The following AOX1 variants were observed in gnomAD, a reference collection of about 807,000 sequenced individuals.
The protein encoded by AOX1 is aldehyde oxidase.
AOX1 carries 153 observed loss-of-function variants against 169.5 expected under a neutral mutation model. That is an observed-to-expected ratio of 0.90 (90% CI 0.79 to 1.03). The LOEUF is 1.03. Ranked by LOEUF, AOX1 falls within the 50% of genes least tolerant of loss-of-function variation. The pLI is 0.00. For synonymous variants in AOX1, 562 were observed against 581.9 expected (o/e 0.97, Z 0.49); for missense variants, 1,656 against 1,663.9 (o/e 1.00, Z 0.08).
In AOX1 at chr2:200,669,700, G is replaced by A. The variant is rs199886883; in HGVS notation, c.3924G>A (p.Pro1308=). ...TGACCCTTAATAGTCCACTGACCCC[G>A]GAGAAGATTAGGATGGCCTGTGAAG... ...GPLTLNSPLT[P]EKIRMACEDK... Residue 1308 remains proline (P), a synonymous_variant, in exon 34 of 35, where the codon CCG becomes CCA. Transcript: ENST00000374700. The A allele has an allele frequency of 5.6e-6, 9 of 1,613,956 alleles. No individual in the cohort carries two copies. Among genetic ancestry groups the A allele is most frequent in the South Asian group, 2.2e-5 (2 of 91,060 alleles).
At position 200,662,929 on chromosome 2, in the gene AOX1, G is replaced by C. The variant is rs1435174026; in HGVS notation, c.3503G>C (p.Cys1168Ser). 5 of 1,614,108 alleles carry C rather than the reference G, an allele frequency of 3.1e-6. No individual in the cohort carries two copies. Among genetic ancestry groups the C allele is most frequent in the Non-Finnish European group, 4.2e-6 (5 of 1,179,960 alleles). Residue 1168 changes from cysteine (C) to serine (S), a missense_variant, in exon 31 of 35, where the codon TGT becomes TCT. Coordinates refer to ENST00000374700, the MANE Select transcript of AOX1 (RefSeq NM_001159.4). The part of the protein sequence containing the change: ...PFEYFVYGAA[C>S]SEVEIDCLTG... The stretch of plus-strand genomic sequence containing the variant: ...GAATACTTTGTTTATGGAGCTGCCT[G>C]TTCCGAGGTTGAAATAGACTGCCTG...
At chr2:200,641,427 T>C (rs2035349936) in intron 24 of AOX1, among the ~76,000 whole-genome samples, 2 of 152,160 alleles carry the variant, frequency 1.3e-5, no homozygotes, top group Admixed American at 6.5e-5. Context: ...GATGCACACA[T>C]GAGACCAAGC....
At chr2:200,662,741 C>T in intron 30 of AOX1, 114 bp from the exon 31 acceptor site, 1 of 751,216 alleles carries the variant, frequency 1.3e-6, no homozygotes, top group South Asian at 1.6e-5. Context: ...CTGGCACATA[C>T]ATTAGGTACA....
intron 30 of AOX1, among the ~76,000 whole-genome samples, 198 bp downstream of exon 30, chr2:200,661,829 T>C (rs73055168): frequency 0.013 from 2,039 of 152,314 alleles, 47 homozygotes; most frequent in African/African-American, 0.038. Context: ...GAAAGACTTC[T>C]GTTAGGAAAA....
chr2:200,665,523 C>T (rs2035909451), intron 31 of AOX1, among the ~76,000 whole-genome samples: 1 of 152,208 alleles, frequency 6.6e-6, no homozygotes, highest in Admixed American at 6.5e-5. Context: ...CCTCTGCCTC[C>T]TGGGTTCAAG....
At chr2:200,611,568 A>T in intron 13 of AOX1, 75 bp downstream of exon 13, 1 of 987,840 alleles carries the variant, frequency 1.0e-6, no homozygotes, top group Non-Finnish European at 1.6e-6. Flanking sequence ...ATATGGTGGA[A>T]TAAGAAAAAG....
chr2:200,590,267 A>G (rs1348957954), intron 1 of AOX1, among the ~76,000 whole-genome samples: 2 of 152,062 alleles, frequency 1.3e-5, no homozygotes, highest in Non-Finnish European at 2.9e-5. Flanking sequence ...TGATTTCTTA[A>G]CCAAGTACAG....
downstream of AOX1, among the ~76,000 whole-genome samples, chr2:200,677,954 C>T (rs760156500): frequency 6.6e-6 from 1 of 152,218 alleles, no homozygotes; most frequent in African/African-American, 2.4e-5. Context: ...CCTCAATTAG[C>T]AAGCACTAGA....
intron 21 of AOX1, 38 bp downstream of exon 21, chr2:200,634,953 G>A: frequency 3.1e-6 from 5 of 1,605,300 alleles, no homozygotes; most frequent in Non-Finnish European, 4.3e-6. Flanking sequence ...ATGGCTAAAT[G>A]ATTTCTGGCC....
chr2:200,595,365 T>A lies in AOX1; in HGVS notation c.197T>A (p.Ile66Lys). ...ISRYNPITKR[I>K]RHHPANACLI... ...CGATACAACCCCATCACCAAGAGGA[T>A]AAGGTACCGTGCAGCAAAGTCCAGA... The change falls in exon 3 of 35, where the codon ATA becomes AAA. Residue 66 changes from isoleucine (I) to lysine (K), a missense_variant. Transcript: ENST00000374700. The A allele has an allele frequency of 1.2e-6, 2 of 1,611,298 alleles. No individual in the cohort carries two copies. The highest frequency in any genetic ancestry group is 1.7e-6 in the Non-Finnish European group (2 of 1,178,236).
At chr2:200,621,001 CCA>C in intron 17 of AOX1, 117 bp from the exon 18 acceptor site, 4 of 1,382,888 alleles carry the variant, frequency 2.9e-6, no homozygotes, top group Non-Finnish European at 3.9e-6. Flanking sequence ...GAATTTTTTC[CCA>C]ATTGTCTGGC....
chr2:200,653,455 A>G (rs1317697747), intron 26 of AOX1, among the ~76,000 whole-genome samples: 1 of 152,204 alleles, frequency 6.6e-6, no homozygotes, highest in African/African-American at 2.4e-5. Context: ...ATTATTCTCT[A>G]TCTCATCTCT....
rs763669991 is a variant in AOX1, at chr2:200,616,101, G to C, written c.1704+38G>C. 33 of 1,454,948 alleles carry C rather than the reference G, an allele frequency of 2.3e-5. No homozygotes were observed. In the South Asian group the frequency reaches 3.8e-4, roughly 17 times the overall value. The allele number at this position is 1,454,948 out of a possible 1,614,324, so 90.1% of individuals were successfully genotyped here. On this transcript the variant is annotated intron_variant, in intron 16 of 34. Transcript: ENST00000374700. ...TCTTGTTTTTAAAAATTCACAATCT[G>C]GGCTATAGTGATTTGACCTGGACAT...
intron 9 of AOX1, among the ~76,000 whole-genome samples, chr2:200,605,127 CT>C (rs2034489066): frequency 6.6e-6 from 1 of 152,178 alleles, no homozygotes; most frequent in South Asian, 2.1e-4. Context: ...GCTGTCCTGT[CT>C]TTCCTTTTGG....
chr2:200,619,335 C>T (rs574191478), intron 16 of AOX1, among the ~76,000 whole-genome samples: 77 of 152,280 alleles, frequency 5.1e-4, no homozygotes, highest in African/African-American at 1.6e-3. Flanking sequence ...TAGCTTTTCT[C>T]TGACCTCAAC....
chr2:200,641,381 A>AC (rs1271645835), intron 24 of AOX1, among the ~76,000 whole-genome samples, 197 bp downstream of exon 24: 1 of 151,972 alleles, frequency 6.6e-6, no homozygotes, highest in Non-Finnish European at 1.5e-5. Context: ...TCTGTGTGTT[A>AC]CCCCCCGGCT....
chr2:200,628,879 A>T (rs1039908764), intron 20 of AOX1, among the ~76,000 whole-genome samples: 1 of 152,176 alleles, frequency 6.6e-6, no homozygotes, highest in Admixed American at 6.5e-5. Flanking sequence ...GTGAGCCGAG[A>T]TTGCACCACT....
At chr2:200,623,412 G>A (rs1032237862) in intron 18 of AOX1, among the ~76,000 whole-genome samples, 1 of 152,246 alleles carries the variant, frequency 6.6e-6, no homozygotes, top group Non-Finnish European at 1.5e-5. Flanking sequence ...TCAGGGTTCT[G>A]TTATCACAGG....
intron 20 of AOX1, among the ~76,000 whole-genome samples, chr2:200,628,539 G>C (rs901216422): frequency 6.6e-6 from 1 of 152,108 alleles, no homozygotes; most frequent in Non-Finnish European, 1.5e-5. Context: ...GTGGGTATGG[G>C]CAGTCTGTGC....
Sources: gnomAD v4.1 joint callset for allele counts (sites outside exome capture counted in the v4.1 genomes callset) on GRCh38, gnomAD v4.1.1 for gene constraint, MANE v1.5 for transcripts, NCBI Gene and HGNC (gene_info 2026-07-23, HGNC 2026-07-21) for gene names.